ZNF292: variants seen among roughly 807,000 people sequenced by gnomAD.
ZNF292 encodes the protein zinc finger protein 292.
A neutral mutation model predicts 217.9 loss-of-function variants in ZNF292; 26 were observed. The observed-to-expected ratio is 0.12, with a 90% CI of 0.09 to 0.17. The LOEUF (loss-of-function observed/expected upper bound fraction) is 0.17, where lower values mean the gene tolerates loss of function less well. Ranked by LOEUF, ZNF292 falls within the 10% of genes least tolerant of loss-of-function variation. ZNF292 has a pLI of 1.00. For synonymous variants in ZNF292, 1,257 were observed against 1,124.1 expected, an observed-to-expected ratio of 1.12 and a Z score of -2.37; for missense variants, 2,904 against 3,175.2, an observed-to-expected ratio of 0.91 and a Z score of 2.05.
chr6:87,161,919 A>G (rs1407728869), intron 1 of ZNF292, among the ~76,000 whole-genome samples: 2 of 152,224 alleles, frequency 1.3e-5, no homozygotes, highest in Non-Finnish European at 2.9e-5. Flanking sequence ...GAAAATAAAG[A>G]TAACTACACT....
intron 1 of ZNF292, among the ~76,000 whole-genome samples, chr6:87,183,980 G>A (rs568198667): frequency 6.6e-6 from 1 of 152,218 alleles, no homozygotes; most frequent in East Asian, 1.9e-4. Flanking sequence ...CACAAATACA[G>A]ATGTAAAAAA....
At chr6:87,250,465 A>C (rs1774869165) in intron 7 of ZNF292, among the ~76,000 whole-genome samples, 2 of 152,154 alleles carry the variant, frequency 1.3e-5, no homozygotes, top group Admixed American at 6.5e-5. Context: ...AAAAGGAAAA[A>C]AAAATTCTAT....
At chr6:87,183,919 AC>A (rs1202657325) in intron 1 of ZNF292, among the ~76,000 whole-genome samples, 5 of 152,334 alleles carry the variant, frequency 3.3e-5, no homozygotes, top group Admixed American at 2.0e-4. Context: ...ATGATTCACC[AC>A]CACATATGCA....
At chr6:87,203,912 G>A (rs1270928321) in intron 1 of ZNF292, among the ~76,000 whole-genome samples, 1 of 152,102 alleles carries the variant, frequency 6.6e-6, no homozygotes, top group South Asian at 2.1e-4. Context: ...CCTAGTTCCA[G>A]CATGCCGAGT....
At chr6:87,157,513 C>G (rs1770583916) in intron 1 of ZNF292, among the ~76,000 whole-genome samples, 1 of 152,066 alleles carries the variant, frequency 6.6e-6, no homozygotes, top group Non-Finnish European at 1.5e-5. Flanking sequence ...AGACATTTTC[C>G]CCTAATAGTG....
chr6:87,192,114 TG>T (rs1475242692), intron 1 of ZNF292, among the ~76,000 whole-genome samples: 1 of 152,212 alleles, frequency 6.6e-6, no homozygotes, highest in African/African-American at 2.4e-5. Context: ...ACATTTATAA[TG>T]TCTTTATAGT....
chr6:87,226,679 A>T (rs1582454080), intron 4 of ZNF292, among the ~76,000 whole-genome samples: 1 of 32,086 alleles, frequency 3.1e-5, no homozygotes, highest in Non-Finnish European at 5.2e-5. Context: ...ATATATAGAT[A>T]TATAGATTTT....
At chr6:87,243,748 G>T in intron 6 of ZNF292, 137 bp downstream of exon 6, 1 of 825,068 alleles carries the variant, frequency 1.2e-6, no homozygotes, top group Non-Finnish European at 1.7e-6. Context: ...ATTACATGCT[G>T]TGCAAACTTA....
In ZNF292 at chr6:87,161,796, C is replaced by T. The variant is rs556232743; in HGVS notation, c.168+6037C>T. On this transcript the variant is annotated intron_variant, in intron 1 of 7. Coordinates refer to ENST00000369577, the MANE Select transcript of ZNF292 (RefSeq NM_015021.3). ...TTGAAATGGTTTTTTAAAATTCACC[C>T]TGAGAAAGGGCATACAATGAAAACT... Among the ~76,000 whole-genome samples, 11 of 152,282 alleles carry T rather than the reference C, an allele frequency of 7.2e-5. 1 individual carries two copies. The East Asian group carries it at 1.7e-3, about 24-fold the overall frequency.
At chr6:87,215,487 T>A (rs1187821469) in intron 1 of ZNF292, among the ~76,000 whole-genome samples, 3 of 152,142 alleles carry the variant, frequency 2.0e-5, no homozygotes, top group Non-Finnish European at 4.4e-5. Context: ...ATACATGATT[T>A]ATTTTGTTGT....
Position 87,257,460 on chromosome 6 carries a change from A to G in ZNF292, c.3831A>G (p.Ser1277=). The change falls in exon 8 of 8, where the codon TCA becomes TCG. Residue 1277 remains serine (S), a synonymous_variant. Coordinates refer to ENST00000369577, the MANE Select transcript of ZNF292 (RefSeq NM_015021.3). ...GTAGTTCAATGTCTCTCTTCCCTTCACCAGCAGATAGTGGGACTAATTCTG... is the reference window on the plus strand; with the variant it reads ...GTAGTTCAATGTCTCTCTTCCCTTCGCCAGCAGATAGTGGGACTAATTCTG... The part of the protein sequence containing the change: ...AESSSMSLFP[S]PADSGTNSVF... 6.2e-7 allele frequency: 1 copy of G among 1,613,258 alleles called. No individual in the cohort carries two copies. Among genetic ancestry groups the G allele is most frequent in the Non-Finnish European group, 8.5e-7 (1 of 1,179,634 alleles).
At position 87,261,148 on chromosome 6, in the gene ZNF292, T is replaced by C. The variant is rs1459372186; in HGVS notation, c.7519T>C (p.Ser2507Pro). The change falls in exon 8 of 8, where the codon TCT (serine) becomes CCT (proline). Residue 2507 changes from serine (S) to proline (P), a missense_variant. This residue lies in a region of ZNF292 where 380 missense variants were observed against 355.3 expected (regional missense o/e 1.07). Coordinates refer to ENST00000369577, the MANE Select transcript of ZNF292 (RefSeq NM_015021.3). Reference sequence around the variant, plus strand: ...AAGTGTAGAGACCCAAGCTAATACTTCTTCAAATGTAAGTAATGATTTTCA... The same window carrying C: ...AAGTGTAGAGACCCAAGCTAATACTCCTTCAAATGTAAGTAATGATTTTCA... ...STSVETQANT[S>P]SNVSNDFQED... The C allele has an allele frequency of 1.9e-6, 3 of 1,613,024 alleles. No individual in the cohort carries two copies. The highest frequency in any genetic ancestry group is 2.5e-6 in the Non-Finnish European group (3 of 1,179,532).
intron 1 of ZNF292, among the ~76,000 whole-genome samples, chr6:87,172,098 A>C (rs1771117112): frequency 1.3e-5 from 2 of 152,180 alleles, no homozygotes; most frequent in South Asian, 4.1e-4. Flanking sequence ...AATTTTCTAT[A>C]GTCTCTTATA....
At chr6:87,177,562 C>T (rs181476612) in intron 1 of ZNF292, among the ~76,000 whole-genome samples, 7 of 152,262 alleles carry the variant, frequency 4.6e-5, no homozygotes, top group African/African-American at 1.2e-4. Context: ...CTTTTTAAAT[C>T]TGTCTTCTAT....
intron 4 of ZNF292, among the ~76,000 whole-genome samples, chr6:87,219,968 A>T (rs1309476516): frequency 6.6e-6 from 1 of 152,068 alleles, no homozygotes; most frequent in Non-Finnish European, 1.5e-5. Context: ...CTGCAGACAC[A>T]TGCCACCACA....
chr6:87,253,340 T>A (rs1775036060), intron 7 of ZNF292, among the ~76,000 whole-genome samples: 1 of 150,780 alleles, frequency 6.6e-6, no homozygotes, highest in Non-Finnish European at 1.5e-5. Flanking sequence ...GCGATCCTCC[T>A]TCCTCAGCCC....
At chr6:87,162,646 A>G (rs543695527) in intron 1 of ZNF292, among the ~76,000 whole-genome samples, 5 of 152,330 alleles carry the variant, frequency 3.3e-5, no homozygotes, top group African/African-American at 4.8e-5. Context: ...GCTTATATCA[A>G]TTTCAGCAAA....
intron 7 of ZNF292, chr6:87,249,193 C>T (rs1774765130): frequency 6.3e-6 from 1 of 158,694 alleles, no homozygotes; most frequent in Non-Finnish European, 1.4e-5. Flanking sequence ...GTGCTGCAAT[C>T]ACAGCTCACT....
In ZNF292 at chr6:87,265,175, C is replaced by T. The variant is rs1289311044; in HGVS notation, c.*3374C>T. Reference sequence around the variant, plus strand: ...TTGCCCAGGCTGGAGTGCAGTGTTGCACGATCTCGGCTTACTGCAACTTCT... The same window carrying T: ...TTGCCCAGGCTGGAGTGCAGTGTTGTACGATCTCGGCTTACTGCAACTTCT... On this transcript the variant is annotated 3_prime_UTR_variant, in exon 8 of 8. Coordinates refer to ENST00000369577, the MANE Select transcript of ZNF292 (RefSeq NM_015021.3). 6.6e-6 allele frequency among the ~76,000 whole-genome samples: 1 copy of T among 151,834 alleles called. No individual in the cohort carries two copies. The highest frequency in any genetic ancestry group is 1.5e-5 in the Non-Finnish European group (1 of 67,976).
Sources: gnomAD v4.1 joint callset for allele counts (sites outside exome capture counted in the v4.1 genomes callset) on GRCh38, gnomAD v4.1.1 for gene constraint, gnomAD v4.1.1 regional missense constraint, MANE v1.5 for transcripts, NCBI Gene and HGNC (gene_info 2026-07-23, HGNC 2026-07-21) for gene names.